RBFOX1: variants seen among roughly 807,000 people sequenced by gnomAD.
The protein encoded by RBFOX1 is RNA binding fox-1 homolog 1.
A neutral mutation model predicts 57.7 loss-of-function variants in RBFOX1; 8 were observed. That is an observed-to-expected ratio of 0.14 (90% CI 0.08 to 0.25). The LOEUF is 0.25. Among genes scored for constraint, RBFOX1 ranks in the 10% least tolerant of loss-of-function variants. The pLI, the probability that RBFOX1 is intolerant of heterozygous loss-of-function variation, is 1.00. For missense variants in RBFOX1, 611 were observed against 548.5 expected, an observed-to-expected ratio of 1.11 and a Z score of -1.14; for synonymous variants, 326 against 222.4, an observed-to-expected ratio of 1.47 and a Z score of -4.15.
intron 3 of RBFOX1, among the ~76,000 whole-genome samples, chr16:6,693,698 C>G (rs189488637): frequency 6.6e-6 from 1 of 151,478 alleles, no homozygotes; most frequent in Non-Finnish European, 1.5e-5. Flanking sequence ...TCATCATCAC[C>G]ATCATCCTCC....
intron 1 of RBFOX1, among the ~76,000 whole-genome samples, chr16:6,291,572 C>T (rs978340007): frequency 2.0e-5 from 3 of 152,152 alleles, no homozygotes; most frequent in Non-Finnish European, 4.4e-5. Flanking sequence ...GTAATGGCTA[C>T]AAAGATGGAA....
chr16:5,599,446 C>T (rs563120211), exon 3 of RBFOX1: 19 of 548,978 alleles, frequency 3.5e-5, no homozygotes, highest in African/African-American at 1.1e-4. Context: ...AGTGAATTCC[C>T]GTGTATCCCT....
At chr16:5,341,316 A>C (rs1162346347) in intron 1 of RBFOX1, among the ~76,000 whole-genome samples, 2 of 152,198 alleles carry the variant, frequency 1.3e-5, no homozygotes, top group Non-Finnish European at 2.9e-5. Context: ...ATTGAGTAAT[A>C]CTGGATCCTG....
At chr16:6,516,454 C>G (rs1000756322) in intron 2 of RBFOX1, among the ~76,000 whole-genome samples, 1 of 152,154 alleles carries the variant, frequency 6.6e-6, no homozygotes, top group Non-Finnish European at 1.5e-5. Flanking sequence ...TAGCACTCAA[C>G]AGCCCCTGTT....
At chr16:7,537,887 T>C (rs1426098847) in intron 5 of RBFOX1, among the ~76,000 whole-genome samples, 1 of 152,192 alleles carries the variant, frequency 6.6e-6, no homozygotes, top group Admixed American at 6.5e-5. Flanking sequence ...TGAGGGGAAA[T>C]CCGTGGTATT....
intron 1 of RBFOX1, chr16:5,365,835 C>T (rs1441050556): frequency 1.5e-5 from 8 of 517,706 alleles, no homozygotes; most frequent in Non-Finnish European, 7.7e-6. Flanking sequence ...CCCCCTGAGG[C>T]CCCAGAACTG....
intron 4 of RBFOX1, among the ~76,000 whole-genome samples, chr16:7,206,328 G>C (rs1187709897): frequency 6.6e-6 from 1 of 151,970 alleles, no homozygotes; most frequent in Non-Finnish European, 1.5e-5. Context: ...CATGCAATTG[G>C]TTTGACTTTG....
intron 3 of RBFOX1, among the ~76,000 whole-genome samples, chr16:6,909,064 G>A (rs963524243): frequency 6.6e-6 from 1 of 152,148 alleles, no homozygotes; most frequent in Non-Finnish European, 1.5e-5. Flanking sequence ...CAATTTAGGT[G>A]TAATTTAAAA....
intron 3 of RBFOX1, among the ~76,000 whole-genome samples, chr16:6,671,558 C>G (rs571200729): frequency 6.6e-6 from 1 of 152,252 alleles, no homozygotes; most frequent in African/African-American, 2.4e-5. Flanking sequence ...CTTAGTCTTT[C>G]TGCATCTCAG....
intron 3 of RBFOX1, among the ~76,000 whole-genome samples, chr16:6,702,170 A>G (rs1201588316): frequency 2.0e-5 from 3 of 152,300 alleles, no homozygotes; most frequent in East Asian, 3.9e-4. Flanking sequence ...TTCATAAGGG[A>G]TCTGCTCTAC....
intron 4 of RBFOX1, among the ~76,000 whole-genome samples, chr16:7,167,853 A>G (rs1022391167): frequency 1.3e-4 from 7 of 55,266 alleles, no homozygotes; most frequent in East Asian, 1.4e-3. Flanking sequence ...AATATTTACT[A>G]TCTGGCCCTC....
rs116803930 is a variant in RBFOX1, at chr16:5,636,641, G to A, written c.318+37680G>A. Among the ~76,000 whole-genome samples the A allele has an allele frequency of 7.0e-3, 1,059 of 152,218 alleles. 21 individuals are homozygous for A. The highest frequency in any genetic ancestry group is 0.025 in the African/African-American group (1,029 of 41,534). ...CATAGCAGCTTGACAGCCAACTTTC[G>A]TACTCGTAGGAATATGAATCTAGCA... On this transcript the variant is annotated intron_variant, in intron 3 of 19. Coordinates refer to the RBFOX1 transcript ENST00000641259.
chr16:5,870,463 G>A (rs75169083), intron 4 of RBFOX1, among the ~76,000 whole-genome samples: 3 of 151,544 alleles, frequency 2.0e-5, no homozygotes, highest in African/African-American at 7.3e-5. Context: ...GTGGGGGAAT[G>A]GTCAGATGGT....
At chr16:6,616,472 C>T (rs1390345663) in intron 2 of RBFOX1, among the ~76,000 whole-genome samples, 2 of 151,756 alleles carry the variant, frequency 1.3e-5, no homozygotes, top group Admixed American at 6.6e-5. Flanking sequence ...GTCAGGAGAT[C>T]GAGACCATCC....
intron 3 of RBFOX1, among the ~76,000 whole-genome samples, chr16:6,911,270 A>G (rs538858315): frequency 1.8e-4 from 28 of 151,970 alleles, no homozygotes; most frequent in Non-Finnish European, 3.2e-4. Flanking sequence ...CAGGACTGCT[A>G]TAACAAAGTT....
rs545310540 is a variant in RBFOX1 at position 7,587,880 on chromosome 16, G to C, written c.468+580G>C. On this transcript the variant is annotated intron_variant, in intron 7 of 15. Transcript: ENST00000550418. ...TATGGAGAGGTTTGGGTTCAGGAGA[G>C]GTTCTGTTTCAAAACAGAAATATGG... Among the ~76,000 whole-genome samples, 157 of 152,302 alleles carry C rather than the reference G, an allele frequency of 1.0e-3. 1 individual carries two copies. The highest frequency in any genetic ancestry group is 0.01 in the Admixed American group (156 of 15,292).
intron 2 of RBFOX1, among the ~76,000 whole-genome samples, chr16:5,564,695 C>T (rs2046002172): frequency 6.6e-6 from 1 of 152,302 alleles, no homozygotes; most frequent in South Asian, 2.1e-4. Flanking sequence ...TTCTGGCAAG[C>T]ATCCAGGCAT....
At chr16:6,507,733 C>A (rs767126166) in intron 2 of RBFOX1, among the ~76,000 whole-genome samples, 17 of 151,878 alleles carry the variant, frequency 1.1e-4, no homozygotes, top group Admixed American at 5.9e-4. Flanking sequence ...AAGACACATA[C>A]AGTATGATTC....
intron 1 of RBFOX1, among the ~76,000 whole-genome samples, chr16:6,138,755 T>G (rs553640764): frequency 6.6e-6 from 1 of 152,094 alleles, no homozygotes; most frequent in South Asian, 2.1e-4. Context: ...TAGTCCCAGG[T>G]ACTTGGGAGG....
Sources: allele counts gnomAD v4.1 joint callset (sites outside exome capture counted in the v4.1 genomes callset), GRCh38; gene constraint gnomAD v4.1.1; transcripts MANE v1.5; gene names NCBI Gene and HGNC (gene_info 2026-07-23, HGNC 2026-07-21).